DGKI: variants seen among roughly 807,000 people sequenced by gnomAD.
The protein encoded by DGKI is DAG kinase iota.
In DGKI, 55 loss-of-function variants were observed where a neutral mutation model predicts 147.5. The ratio of observed to expected loss-of-function variants is 0.37; its 90% CI spans 0.30 to 0.47. The LOEUF is 0.47. Ranked by LOEUF, DGKI falls within the 20% of genes least tolerant of loss-of-function variation. The pLI, the probability that DGKI is intolerant of heterozygous loss-of-function variation, is 1.00. For synonymous variants in DGKI, 469 were observed against 477.1 expected, an observed-to-expected ratio of 0.98 and a Z score of 0.22; for missense variants, 1,007 against 1,323.8, an observed-to-expected ratio of 0.76 and a Z score of 3.71.
At chr7:137,587,393 G>A (rs1819444798) in intron 12 of DGKI, among the ~76,000 whole-genome samples, 183 bp from the exon 13 acceptor site, 1 of 152,124 alleles carries the variant, frequency 6.6e-6, no homozygotes, top group Non-Finnish European at 1.5e-5. Flanking sequence ...GTTACAAAAT[G>A]GTTAAAGGAA....
intron 19 of DGKI, among the ~76,000 whole-genome samples, chr7:137,556,518 T>C (rs1442315377): frequency 6.6e-6 from 1 of 152,128 alleles, no homozygotes; most frequent in Non-Finnish European, 1.5e-5. Flanking sequence ...GCTGATACAC[T>C]GTTGAATTAA....
At chr7:137,612,469 G>A (rs1820397444) in intron 8 of DGKI, among the ~76,000 whole-genome samples, 1 of 151,932 alleles carries the variant, frequency 6.6e-6, no homozygotes, top group African/African-American at 2.4e-5. Flanking sequence ...AAATCCCATG[G>A]CTCCCTTCTA....
chr7:137,766,185 A>G (rs1796008311), intron 1 of DGKI, among the ~76,000 whole-genome samples: 1 of 152,212 alleles, frequency 6.6e-6, no homozygotes, highest in South Asian at 2.1e-4. Context: ...CAGAATGAAA[A>G]GTGAACCCTC....
intron 24 of DGKI, among the ~76,000 whole-genome samples, chr7:137,469,173 A>G (rs140183580): frequency 7.7e-4 from 117 of 152,356 alleles, no homozygotes; most frequent in African/African-American, 2.0e-3. Flanking sequence ...AATAATATGA[A>G]TGTTCCATAA....
At chr7:137,827,340 T>C (rs1445772284) in intron 1 of DGKI, among the ~76,000 whole-genome samples, 1 of 152,184 alleles carries the variant, frequency 6.6e-6, no homozygotes, top group African/African-American at 2.4e-5. Flanking sequence ...TCCTCCATAA[T>C]GAGCATTTAA....
intron 1 of DGKI, among the ~76,000 whole-genome samples, chr7:137,769,639 AC>A (rs1358157871): frequency 3.3e-5 from 5 of 152,204 alleles, no homozygotes; most frequent in African/African-American, 2.4e-5. Context: ...AGAAAAAAAA[AC>A]AACCCCATCA....
rs543430518 is a variant in DGKI, at chr7:137,428,906, C to G, written c.2761+15171G>C. On this transcript the variant is annotated intron_variant, in intron 28 of 32. Transcript: ENST00000614521. ...AACTGCTCAATGAAATAAAAGAGGA[C>G]ACAAAGAAATGGAACAACATTCCAT... Among the ~76,000 whole-genome samples the G allele has an allele frequency of 9.5e-3, 1,439 of 152,116 alleles. 14 individuals are homozygous for G. The highest frequency in any genetic ancestry group is 0.033 in the African/African-American group (1,375 of 41,476).
intron 28 of DGKI, among the ~76,000 whole-genome samples, chr7:137,429,464 A>G (rs1812969881): frequency 6.6e-6 from 1 of 150,774 alleles, no homozygotes; most frequent in Non-Finnish European, 1.5e-5. Context: ...AAGAAAACCT[A>G]GGCATTACCA....
intron 17 of DGKI, among the ~76,000 whole-genome samples, chr7:137,573,181 T>C (rs1274795477): frequency 6.6e-6 from 1 of 152,150 alleles, no homozygotes; most frequent in African/African-American, 2.4e-5. Flanking sequence ...AAAAGATTTA[T>C]GAACACTTAA....
chr7:137,639,451 G>C (rs958214272), intron 6 of DGKI, among the ~76,000 whole-genome samples: 27 of 152,166 alleles, frequency 1.8e-4, no homozygotes, highest in African/African-American at 6.0e-4. Context: ...TTGTGTACCT[G>C]GAACTTTTTG....
chr7:137,770,431 A>G (rs967879857), intron 1 of DGKI, among the ~76,000 whole-genome samples: 5 of 152,228 alleles, frequency 3.3e-5, no homozygotes, highest in Admixed American at 3.3e-4. Context: ...ATGTATACCT[A>G]TGTAACAAAC....
At chr7:137,719,814 T>G (rs1027958506) in intron 1 of DGKI, among the ~76,000 whole-genome samples, 11 of 152,102 alleles carry the variant, frequency 7.2e-5, no homozygotes, top group Middle Eastern at 3.2e-3. Flanking sequence ...AATAGTAAAT[T>G]TTACCACTGC....
chr7:137,395,879 A>G (rs1585073094), intron 31 of DGKI, 182 bp from the exon 32 acceptor site: 1 of 563,054 alleles, frequency 1.8e-6, no homozygotes, highest in Admixed American at 3.0e-5. Flanking sequence ...TGAGCTAGCC[A>G]TCAACTGATC....
At chr7:137,481,561 CA>C (rs1349817195) in intron 23 of DGKI, among the ~76,000 whole-genome samples, 1 of 152,054 alleles carries the variant, frequency 6.6e-6, no homozygotes, top group East Asian at 1.9e-4. Context: ...CAGGAATTTT[CA>C]ACAGGCTATA....
At chr7:137,691,808 T>TTTTTTGTTTTTG (rs1823619116) in intron 1 of DGKI, among the ~76,000 whole-genome samples, 1 of 133,228 alleles carries the variant, frequency 7.5e-6, no homozygotes, top group Admixed American at 7.2e-5. Flanking sequence ...GTTTTTTTTT[T>TTTTTTGTTTTTG]TTTTTTTTTT....
At chr7:137,633,924 A>G (rs1470826389) in intron 6 of DGKI, among the ~76,000 whole-genome samples, 4 of 152,248 alleles carry the variant, frequency 2.6e-5, no homozygotes, top group Non-Finnish European at 4.4e-5. Flanking sequence ...TTGGTCCACC[A>G]TATCAGCAGC....
intron 1 of DGKI, among the ~76,000 whole-genome samples, chr7:137,696,045 C>T (rs148782239): frequency 5.9e-5 from 9 of 152,256 alleles, no homozygotes; most frequent in Non-Finnish European, 1.2e-4. Flanking sequence ...CACACATCAG[C>T]GGGCCCCCAC....
intron 1 of DGKI, among the ~76,000 whole-genome samples, chr7:137,760,140 C>G (rs1038918010): frequency 1.3e-5 from 2 of 152,124 alleles, no homozygotes; most frequent in African/African-American, 4.8e-5. Context: ...CCCACCTCAC[C>G]TACTAATCTT....
intron 22 of DGKI, among the ~76,000 whole-genome samples, chr7:137,485,924 C>T (rs1267027542): frequency 2.0e-5 from 3 of 152,062 alleles, no homozygotes; most frequent in African/African-American, 4.8e-5. Flanking sequence ...AATCACCAAC[C>T]ACCTCCACAT....
Sources: allele counts gnomAD v4.1 joint callset (sites outside exome capture counted in the v4.1 genomes callset), GRCh38; gene constraint gnomAD v4.1.1; transcripts MANE v1.5; gene names NCBI Gene and HGNC (gene_info 2026-07-23, HGNC 2026-07-21).